ATG7: variants seen among roughly 807,000 people sequenced by gnomAD.
ATG7 encodes autophagy related 7, also known as ubiquitin-like modifier-activating enzyme ATG7.
Under a neutral mutation model 82.4 loss-of-function variants are expected in ATG7, and 70 were observed. The ratio of observed to expected loss-of-function variants is 0.85; its 90% confidence interval spans 0.70 to 1.04. The LOEUF (loss-of-function observed/expected upper bound fraction) is 1.04, where lower values mean the gene tolerates loss of function less well. Ranked by LOEUF, ATG7 falls within the 50% of genes least tolerant of loss-of-function variation. The pLI, the probability that ATG7 is intolerant of heterozygous loss-of-function variation, is 0.00. For synonymous variants in ATG7, 287 were observed against 313.0 expected, an observed-to-expected ratio of 0.92 and a Z score of 0.88; for missense variants, 792 against 864.3, an observed-to-expected ratio of 0.92 and a Z score of 1.05.
At chr3:11,391,306 A>G (rs1005338161) in intron 19 of ATG7, among the ~76,000 whole-genome samples, 2 of 152,138 alleles carry the variant, frequency 1.3e-5, no homozygotes, top group Non-Finnish European at 2.9e-5. Context: ...TAGGAGCTTA[A>G]TTATTAACCT....
intron 13 of ATG7, among the ~76,000 whole-genome samples, chr3:11,342,801 C>T (rs1242008692): frequency 6.6e-6 from 1 of 150,850 alleles, no homozygotes; most frequent in Non-Finnish European, 1.5e-5. Context: ...TATTAGAGAA[C>T]ATTCTTATAC....
At chr3:11,395,155 C>T (rs749715950) in intron 19 of ATG7, among the ~76,000 whole-genome samples, 2 of 151,916 alleles carry the variant, frequency 1.3e-5, no homozygotes, top group Non-Finnish European at 2.9e-5. Flanking sequence ...CAATTATATA[C>T]ATCTAAAGAG....
intron 1 of ATG7, among the ~76,000 whole-genome samples, chr3:11,277,859 A>G (rs1296735023): frequency 6.8e-6 from 1 of 147,854 alleles, no homozygotes; most frequent in Non-Finnish European, 1.5e-5. Flanking sequence ...TCAACTGCGT[A>G]AGACAGACAC....
At chr3:11,478,238 T>G (rs1440720142) in intron 20 of ATG7, among the ~76,000 whole-genome samples, 2 of 152,190 alleles carry the variant, frequency 1.3e-5, no homozygotes, top group Non-Finnish European at 2.9e-5. Context: ...GTATCCAAAC[T>G]TAAAAAAAAT....
At chr3:11,306,895 G>A in intron 5 of ATG7, 48 bp from the exon 6 acceptor site, 1 of 1,483,310 alleles carries the variant, frequency 6.7e-7, no homozygotes, top group Non-Finnish European at 9.4e-7. Context: ...GTCTCTCCCT[G>A]GCTGAGTCCC....
chr3:11,564,054 T>C, the ATG7 span, among the ~76,000 whole-genome samples: 1 of 152,212 alleles, frequency 6.6e-6, no homozygotes, highest in East Asian at 1.9e-4. Flanking sequence ...CTGTCAGTCT[T>C]AGCAAATGCT....
At chr3:11,340,806 C>A in intron 12 of ATG7, 71 bp downstream of exon 12, 1 of 1,380,810 alleles carries the variant, frequency 7.2e-7, no homozygotes, top group African/African-American at 1.4e-5. Context: ...TCTGTCAGGC[C>A]AACACAACAT....
chr3:11,541,602 C>T (rs909379108), intron 20 of ATG7, among the ~76,000 whole-genome samples: 2 of 152,136 alleles, frequency 1.3e-5, no homozygotes, highest in Admixed American at 1.3e-4. Flanking sequence ...CCTGCATTTG[C>T]ATTATTTGAA....
At chr3:11,568,890 C>T in the ATG7 span, 21 of 1,319,858 alleles carry the variant, frequency 1.6e-5, no homozygotes, top group Admixed American at 3.5e-5. The surrounding 1 kb of genome is among the most constrained non-coding windows in gnomAD (Gnocchi z 5.9). Flanking sequence ...CACCCGGCCC[C>T]GCCCCGGGCC....
the ATG7 span, chr3:11,564,909 G>T: frequency 1.2e-6 from 2 of 1,602,568 alleles, no homozygotes; most frequent in Non-Finnish European, 1.7e-6. Context: ...GGGGAGGGAG[G>T]TGTACAGGTG....
At chr3:11,526,030 G>A (rs1207528885) in intron 20 of ATG7, among the ~76,000 whole-genome samples, 1 of 152,160 alleles carries the variant, frequency 6.6e-6, no homozygotes, top group Non-Finnish European at 1.5e-5. Context: ...TGATATAAAT[G>A]TGATAACTGC....
chr3:11,567,239 G>A, the ATG7 span, among the ~76,000 whole-genome samples: 1 of 152,116 alleles, frequency 6.6e-6, no homozygotes. Flanking sequence ...TCTAAATGGG[G>A]GACAAACAGC....
intron 19 of ATG7, among the ~76,000 whole-genome samples, chr3:11,426,086 G>T (rs1311407116): frequency 6.6e-6 from 1 of 152,128 alleles, no homozygotes; most frequent in Non-Finnish European, 1.5e-5. Context: ...ACTTTTGTTT[G>T]TGTCTTCTGG....
intron 19 of ATG7, among the ~76,000 whole-genome samples, chr3:11,420,361 T>G (rs1240041710): frequency 1.3e-5 from 2 of 152,220 alleles, no homozygotes; most frequent in East Asian, 3.9e-4. Flanking sequence ...TTTGTTTTTT[T>G]CATTCTGCCC....
At chr3:11,499,114 T>G (rs527385600) in intron 20 of ATG7, among the ~76,000 whole-genome samples, 5 of 152,350 alleles carry the variant, frequency 3.3e-5, no homozygotes, top group East Asian at 3.9e-4. Flanking sequence ...AGTAGCCACT[T>G]GAAAAACTGC....
chr3:11,449,313 A>C (rs990813042), intron 20 of ATG7, among the ~76,000 whole-genome samples: 1 of 152,186 alleles, frequency 6.6e-6, no homozygotes, highest in Non-Finnish European at 1.5e-5. Context: ...TTGAGGCTGC[A>C]GTGAGCTATG....
chr3:11,285,575 C>T (rs992836663), intron 3 of ATG7, among the ~76,000 whole-genome samples: 1 of 152,098 alleles, frequency 6.6e-6, no homozygotes, highest in African/African-American at 2.4e-5. Flanking sequence ...AACCACCACC[C>T]AGCTCAAGAT....
At chr3:11,483,525 G>A (rs1483520862) in intron 20 of ATG7, among the ~76,000 whole-genome samples, 2 of 152,290 alleles carry the variant, frequency 1.3e-5, no homozygotes, top group East Asian at 1.9e-4. Flanking sequence ...TCCGATGTGC[G>A]AATGTCAAGC....
intron 19 of ATG7, among the ~76,000 whole-genome samples, chr3:11,390,672 AT>A (rs11331651): frequency 0.68 from 100,160 of 148,338 alleles, 35,471 homozygotes; most frequent in East Asian, 0.89. Context: ...GGTGGGTTTG[AT>A]TTTTTTTTTT....
Sources: gnomAD v4.1 joint callset for allele counts (sites outside exome capture counted in the v4.1 genomes callset) on GRCh38, gnomAD v4.1.1 for gene constraint, Gnocchi (gnomAD v3.1) non-coding constraint, MANE v1.5 for transcripts, NCBI Gene and HGNC (gene_info 2026-07-23, HGNC 2026-07-21) for gene names.